EHMT1: variants seen among roughly 807,000 people sequenced by gnomAD.
EHMT1 encodes histone-lysine N-methyltransferase EHMT1.
Under a neutral mutation model 147.2 loss-of-function variants are expected in EHMT1, and 15 were observed. The ratio of observed to expected loss-of-function variants is 0.10; its 90% CI spans 0.07 to 0.16. EHMT1 has a LOEUF of 0.16. Ranked by LOEUF, EHMT1 falls within the 10% of genes least tolerant of loss-of-function variation. EHMT1 has a pLI of 1.00. For missense variants in EHMT1, 1,587 were observed against 1,772.4 expected, an observed-to-expected ratio of 0.90 and a Z score of 1.88; for synonymous variants, 795 against 709.6, an observed-to-expected ratio of 1.12 and a Z score of -1.91.
At chr9:137,822,666 G>A (rs958099845) in intron 25 of EHMT1, among the ~76,000 whole-genome samples, 25 of 152,072 alleles carry the variant, frequency 1.6e-4, no homozygotes, top group African/African-American at 4.8e-4. Flanking sequence ...AGGCCGAGGC[G>A]GGCGGATCAC....
Position 137,818,205 on chromosome 9 carries a change from C to T in EHMT1, c.3540+67C>T, listed in dbSNP as rs938710433. The T allele has an allele frequency of 3.6e-5, 55 of 1,547,520 alleles. No homozygotes were observed. In the Admixed American group the frequency reaches 9.0e-4, roughly 25 times the overall value. ...ACTGTAAAACCTGAATGTGTTTGTC[C>T]CAGTAGGGCTGGGATTCAGAAGAGA... On this transcript the variant is annotated intron_variant, in intron 25 of 26. Coordinates refer to ENST00000460843, the MANE Select transcript of EHMT1 (RefSeq NM_024757.5).
rs372616244 is a variant in EHMT1 at position 137,813,370 on chromosome 9, G to C, written c.3036-16G>C. 1.9e-6 allele frequency: 3 copies of C among 1,607,224 alleles called. No individual in the cohort carries two copies. In the African/African-American group the frequency reaches 4.0e-5, roughly 21 times the overall value. On this transcript the variant is annotated splice_polypyrimidine_tract_variant and intron_variant, in intron 20 of 26. Transcript: ENST00000460843. This position sits in a 1 kb window ranked among gnomAD's most constrained non-coding sequence, Gnocchi z 4.9. ...GCACGTCAGCCACCAGGTGACACCT[G>C]TCCTTTCCATGGCAGGGACATCGCT... is the stretch of plus-strand genomic sequence containing the variant.
chr9:137,652,661 C>T (rs190070898), intron 1 of EHMT1, among the ~76,000 whole-genome samples: 14 of 151,898 alleles, frequency 9.2e-5, no homozygotes, highest in African/African-American at 3.4e-4. Context: ...GTTGGGATTA[C>T]AGGCGTGAGC....
At chr9:137,797,196 CTGTT>C (rs1202327350) in intron 16 of EHMT1, among the ~76,000 whole-genome samples, 2 of 152,180 alleles carry the variant, frequency 1.3e-5, no homozygotes, top group Non-Finnish European at 2.9e-5. Flanking sequence ...TCTTGAGCTT[CTGTT>C]TGTGTGCCTG....
intron 8 of EHMT1, among the ~76,000 whole-genome samples, chr9:137,755,725 A>G (rs1026430811): frequency 6.6e-6 from 1 of 152,170 alleles, no homozygotes. Flanking sequence ...CCACGCCAGC[A>G]CTTGTTAGGG....
At position 137,637,189 on chromosome 9, in the gene EHMT1, A is replaced by G. The variant is rs536317919; in HGVS notation, c.21+18140A>G. Among the ~76,000 whole-genome samples, 30 of 145,120 alleles carry G rather than the reference A, an allele frequency of 2.1e-4. No homozygotes were observed. The East Asian group carries it at 4.0e-3, about 19-fold the overall frequency. ...TGGGATTACAGGCGTGAGCCACCGC[A>G]CCAAGCCCAGAGTTTTACTGTTGTT... On this transcript the variant is annotated intron_variant, in intron 1 of 26. Coordinates refer to ENST00000460843, the MANE Select transcript of EHMT1 (RefSeq NM_024757.5).
chr9:137,680,054 A>G (rs538317478), intron 1 of EHMT1, among the ~76,000 whole-genome samples: 1 of 152,072 alleles, frequency 6.6e-6, no homozygotes, highest in East Asian at 1.9e-4. Flanking sequence ...TTGTATCTGT[A>G]TCTTGTATTG....
chr9:137,747,621 ATG>A (rs893220034), intron 6 of EHMT1: 10 of 152,226 alleles, frequency 6.6e-5, no homozygotes, highest in African/African-American at 2.4e-4. Flanking sequence ...CACAACGTAT[ATG>A]TGTTTTTAAA....
chr9:137,739,026 T>TA (rs776826908), intron 4 of EHMT1, among the ~76,000 whole-genome samples: 15 of 151,562 alleles, frequency 9.9e-5, no homozygotes, highest in Non-Finnish European at 2.2e-4. Context: ...ACCGTGCACT[T>TA]AAAGATGATG....
intron 1 of EHMT1, among the ~76,000 whole-genome samples, chr9:137,673,948 G>A (rs890825420): frequency 3.3e-5 from 5 of 152,210 alleles, no homozygotes; most frequent in Non-Finnish European, 5.9e-5. Context: ...TCTGGAGCCT[G>A]GGGGCTGAGG....
intron 4 of EHMT1, among the ~76,000 whole-genome samples, chr9:137,729,757 A>T (rs1946944924): frequency 6.6e-6 from 1 of 152,054 alleles, no homozygotes; most frequent in African/African-American, 2.4e-5. Context: ...TAAGTTGTAA[A>T]CATTGTGCCC....
Position 137,717,018 on chromosome 9 carries a change from G to T in EHMT1, c.478G>T (p.Gly160Cys). The change falls in exon 3 of 27, where the codon GGC becomes TGC. Residue 160 changes from glycine to cysteine, a missense_variant. Gly to Cys is a radical substitution (Grantham distance 159). Around this residue, in one of 7 missense-constraint regions of EHMT1, gnomAD observed 810 missense variants for 673.0 expected, o/e 1.20. Coordinates refer to ENST00000460843, the MANE Select transcript of EHMT1 (RefSeq NM_024757.5). ...TGCAAAAACCCTTCCTGGAGGGGCT[G>T]GCAAAGGCAGGACTCCAAGCGCTTT... ...HAAKTLPGGA[G>C]KGRTPSAFPQ... The T allele has an allele frequency of 6.2e-7, 1 of 1,606,692 alleles. No individual in the cohort carries two copies.
intron 1 of EHMT1, among the ~76,000 whole-genome samples, chr9:137,655,301 G>A (rs1175557629): frequency 1.3e-5 from 2 of 152,150 alleles, no homozygotes; most frequent in Non-Finnish European, 2.9e-5. Flanking sequence ...ATAGGCGTGA[G>A]CCACTGCGCC....
chr9:137,717,418 C>G (rs751918248), intron 3 of EHMT1: 1 of 618,894 alleles, frequency 1.6e-6, no homozygotes, highest in East Asian at 2.9e-5. Context: ...GCCTGGGCAG[C>G]GTGGCGAAAC....
chr9:137,777,818 TC>T, intron 12 of EHMT1, 63 bp from the exon 13 acceptor site: 4 of 1,602,614 alleles, frequency 2.5e-6, no homozygotes, highest in Non-Finnish European at 3.4e-6. Flanking sequence ...TCTCGGGCAG[TC>T]AGAGTCGGAA....
intron 6 of EHMT1, 145 bp from the exon 7 acceptor site, chr9:137,752,186 C>A: frequency 1.1e-6 from 1 of 933,954 alleles, no homozygotes; most frequent in Non-Finnish European, 1.7e-6. Flanking sequence ...AGCAGGCCGG[C>A]GGCGCCCCCG....
chr9:137,699,589 C>T (rs755324147), intron 1 of EHMT1, among the ~76,000 whole-genome samples: 3 of 151,926 alleles, frequency 2.0e-5, no homozygotes, highest in African/African-American at 4.8e-5. Context: ...GCAAGAGAAT[C>T]GCTTGAGCCC....
chr9:137,818,233 T>TC, intron 25 of EHMT1, 95 bp downstream of exon 25: 1 of 1,391,152 alleles, frequency 7.2e-7, no homozygotes, highest in Non-Finnish European at 1.0e-6. Context: ...AGAAGAGAGC[T>TC]CTTACTGTTG....
intron 1 of EHMT1, among the ~76,000 whole-genome samples, chr9:137,692,756 G>T (rs963980605): frequency 6.6e-6 from 1 of 152,268 alleles, no homozygotes; most frequent in South Asian, 2.1e-4. Context: ...ATGCTCAGGC[G>T]CCTGCTCCAG....
Sources: gnomAD v4.1 joint callset for allele counts (sites outside exome capture counted in the v4.1 genomes callset) on GRCh38, gnomAD v4.1.1 for gene constraint, gnomAD v4.1.1 regional missense constraint, Gnocchi (gnomAD v3.1) non-coding constraint, MANE v1.5 for transcripts, NCBI Gene and HGNC (gene_info 2026-07-23, HGNC 2026-07-21) for gene names.